ABR: variants seen among roughly 807,000 people sequenced by gnomAD.
ABR encodes ABR activator of RhoGEF and GTPase, also known as active breakpoint cluster region-related protein.
A neutral mutation model predicts 107.2 loss-of-function variants in ABR; 35 were observed. The observed-to-expected ratio is 0.33, with a 90% confidence interval of 0.25 to 0.43. The LOEUF is 0.43. ABR is among the 20% of genes least tolerant of loss of function. The probability of loss-of-function intolerance (pLI) is 1.00; values close to 1 mark genes in which losing one functional copy is unlikely to be tolerated. For synonymous variants in ABR, 498 were observed against 462.0 expected, an observed-to-expected ratio of 1.08 and a Z score of -1.00; for missense variants, 815 against 1,115.2, an observed-to-expected ratio of 0.73 and a Z score of 3.83.
chr17:1,165,556 A>T (rs28528680), intron 1 of ABR, among the ~76,000 whole-genome samples: 43,492 of 151,896 alleles, frequency 0.29, 6,377 homozygotes, highest in Non-Finnish European at 0.32. Flanking sequence ...TCTGAGACGA[A>T]GTTGTGCTCT....
At position 1,058,810 on chromosome 17, in the gene ABR, T is replaced by G. The variant is rs2033624639; in HGVS notation, c.1240A>C (p.Asn414His). 1 of 1,613,956 alleles carries G rather than the reference T, an allele frequency of 6.2e-7. No homozygotes were observed. The highest frequency in any genetic ancestry group is 1.1e-5 in the South Asian group (1 of 91,068). ...IERLKKKMFENEFLLLLNSPT... is the reference protein window; with the variant it reads ...IERLKKKMFEHEFLLLLNSPT... ...GAGTTGAGCAGCAGCAGGAACTCAT[T>G]CTCAAACATCTTCTTCTTCAGGCGC... Residue 414 changes from asparagine to histidine, a missense_variant, in exon 11 of 23, where the codon AAT becomes CAT. By Grantham distance (68) the Asn-to-His change is moderately conservative. Transcript: ENST00000302538.
intron 1 of ABR, among the ~76,000 whole-genome samples, chr17:1,160,484 C>G (rs1474981097): frequency 1.3e-5 from 2 of 152,234 alleles, no homozygotes. Context: ...CTACGTCTCT[C>G]TGACTCTAAG....
Position 1,009,660 on chromosome 17 carries a change from T to G in ABR, c.2342+19A>C, listed in dbSNP as rs890667266. ...TGAGGAGGGACTGAGGAGGTGGGGTTGGGGCCGCTCCCCGTTACCTTTTCA... is the reference window on the plus strand; with the variant it reads ...TGAGGAGGGACTGAGGAGGTGGGGTGGGGGCCGCTCCCCGTTACCTTTTCA... On this transcript the variant is annotated intron_variant, in intron 21 of 22. Transcript: ENST00000302538. The G allele has an allele frequency of 1.2e-6, 2 of 1,603,790 alleles. No homozygotes were observed. Among genetic ancestry groups the G allele is most frequent in the Non-Finnish European group, 8.5e-7 (1 of 1,171,080 alleles).
intron 4 of ABR, 65 bp from the exon 5 acceptor site, chr17:1,083,692 T>C (rs1055024801): frequency 2.2e-6 from 3 of 1,347,088 alleles, no homozygotes; most frequent in Non-Finnish European, 3.2e-6. Flanking sequence ...AATGAATGGA[T>C]GAAAGCTTCA....
At chr17:1,031,527 CCCCGCAGCCCCCCGAGCCCCGCAGCG>C (rs1238456788) in intron 16 of ABR, 1 of 309,160 alleles carries the variant, frequency 3.2e-6, no homozygotes, top group Non-Finnish European at 5.6e-6. Flanking sequence ...CCCCCGCAGC[CCCCGCAGCCCCCCGAGCCCCGCAGCG>C]CCCCCGAGCC....
intron 4 of ABR, 81 bp downstream of exon 4, chr17:1,091,584 C>T (rs756803030): frequency 7.2e-5 from 108 of 1,495,788 alleles, no homozygotes; most frequent in Non-Finnish European, 8.8e-5. Flanking sequence ...GAGGGCTGCC[C>T]GGTCCTCTCC....
chr17:1,010,544 G>C lies in ABR; in HGVS notation c.2236+185C>G. 1 of 724,130 alleles carries C rather than the reference G, an allele frequency of 1.4e-6. No homozygotes were observed. Among genetic ancestry groups the C allele is most frequent in the South Asian group, 1.9e-5 (1 of 53,184 alleles). 44.9% of individuals were successfully genotyped at this position (724,130 alleles called of 1,614,324 possible). ...CAAGAGGCAGGCGAGAAAGGGCCCA[G>C]TGTCTGCACCAGGTCCCAGCAGGCC... is the stretch of plus-strand genomic sequence containing the variant. On this transcript the variant is annotated intron_variant, in intron 20 of 22. Transcript: ENST00000302538. The surrounding 1 kb of genome is among the most constrained non-coding windows in gnomAD (Gnocchi z 4.1).
Position 1,027,516 on chromosome 17 carries a change from G to T in ABR, c.1792-14352C>A, listed in dbSNP as rs762636134. On this transcript the variant is annotated intron_variant, in intron 16 of 22. Transcript: ENST00000302538. This position sits in a 1 kb window ranked among gnomAD's most constrained non-coding sequence, Gnocchi z 4.7. Reference sequence around the variant, plus strand: ...CTCTTGGGAGCTGGCCTGGCAGAGAGATCAGAGAGTACTCATGAGGCCCCA... The same window carrying T: ...CTCTTGGGAGCTGGCCTGGCAGAGATATCAGAGAGTACTCATGAGGCCCCA... 2.0e-5 allele frequency among the ~76,000 whole-genome samples: 3 copies of T among 152,208 alleles called. No individual in the cohort carries two copies. The highest frequency in any genetic ancestry group is 2.1e-4 in the South Asian group (1 of 4,834).
At chr17:1,029,671 C>G (rs12453361) in intron 16 of ABR, among the ~76,000 whole-genome samples, 39,642 of 152,086 alleles carry the variant, frequency 0.26, 6,117 homozygotes, top group East Asian at 0.51. Context: ...CTGTGAAGCT[C>G]CTGCAGGAAA....
chr17:1,066,548 T>C (rs2034762763), intron 10 of ABR, among the ~76,000 whole-genome samples: 1 of 152,056 alleles, frequency 6.6e-6, no homozygotes, highest in South Asian at 2.1e-4. Flanking sequence ...TTTTTGTTTT[T>C]GACAGAATCT....
rs534410630 is a variant in ABR at position 1,015,420 on chromosome 17, G to GAA, written c.1792-2258_1792-2257dup. On this transcript the variant is annotated intron_variant, in intron 16 of 22. Transcript: ENST00000302538. ...GCGACAGAGTGAGACCCTGTCTCAA[G>GAA]AAAAAAAAAAAAAAAGTAAGCCGAC... Among the ~76,000 whole-genome samples, 1,153 of 131,578 alleles carry GAA rather than the reference G, an allele frequency of 8.8e-3. 26 individuals are homozygous for GAA. Among genetic ancestry groups the GAA allele is most frequent in the African/African-American group, 0.028 (1,000 of 36,044 alleles). The allele number at this position is 131,578 out of a possible 152,430, so 86.3% of individuals were successfully genotyped here. A position where few individuals can be genotyped will look rare whatever the true frequency, so the allele number is the denominator to read the frequency against.
intron 10 of ABR, among the ~76,000 whole-genome samples, chr17:1,064,082 C>G (rs373879340): frequency 8.3e-5 from 10 of 120,338 alleles, no homozygotes; most frequent in East Asian, 2.7e-4. Flanking sequence ...GTTACGTGAA[C>G]TGAGGGCTAT....
At chr17:1,145,094 C>T (rs1049179418) in intron 1 of ABR, among the ~76,000 whole-genome samples, 1 of 152,052 alleles carries the variant, frequency 6.6e-6, no homozygotes, top group African/African-American at 2.4e-5. Flanking sequence ...AGTCTGAGTT[C>T]GTTTGGGTTA....
At chr17:1,185,879 T>A (rs1229179621) in intron 1 of ABR, among the ~76,000 whole-genome samples, 1 of 151,712 alleles carries the variant, frequency 6.6e-6, no homozygotes, top group Non-Finnish European at 1.5e-5. Context: ...TCTTATTGCC[T>A]GGCTGGAGTG....
intron 1 of ABR, among the ~76,000 whole-genome samples, chr17:1,144,403 T>C (rs1010012065): frequency 1.3e-5 from 2 of 151,812 alleles, no homozygotes; most frequent in Non-Finnish European, 2.9e-5. Context: ...GAGGTGGGCA[T>C]GGGGCCAGGA....
chr17:1,225,173 A>T (rs2043192192), intron 1 of ABR, among the ~76,000 whole-genome samples: 1 of 141,362 alleles, frequency 7.1e-6, no homozygotes, highest in South Asian at 2.3e-4. Context: ...AGAAAAGAAA[A>T]GAAAGAAAGA....
chr17:1,012,832 G>T, intron 17 of ABR, 35 bp from the exon 18 acceptor site: 1 of 1,509,322 alleles, frequency 6.6e-7, no homozygotes, highest in East Asian at 2.4e-5. Flanking sequence ...AGATTCCCCA[G>T]GGTGTGAGTG....
chr17:1,102,647 G>A (rs2037975292), intron 2 of ABR, among the ~76,000 whole-genome samples: 1 of 152,218 alleles, frequency 6.6e-6, no homozygotes, highest in Non-Finnish European at 1.5e-5. Context: ...GGAAAAGCTT[G>A]CCCTAGAGCT....
intron 2 of ABR, among the ~76,000 whole-genome samples, chr17:1,120,365 C>T (rs1189418668): frequency 2.0e-5 from 3 of 152,222 alleles, no homozygotes; most frequent in African/African-American, 4.8e-5. Context: ...TCTGCCCCCA[C>T]TGGGTTCTAG....
Sources: gnomAD v4.1 joint callset for allele counts (sites outside exome capture counted in the v4.1 genomes callset) on GRCh38, gnomAD v4.1.1 for gene constraint, Gnocchi (gnomAD v3.1) non-coding constraint, MANE v1.5 for transcripts, NCBI Gene and HGNC (gene_info 2026-07-23, HGNC 2026-07-21) for gene names.